Variants in LRRC4C observed in about 807,000 individuals in gnomAD.
LRRC4C encodes the protein leucine rich repeat containing 4C.
A neutral mutation model predicts 33.6 loss-of-function variants in LRRC4C; 5 were observed. The ratio of observed to expected loss-of-function variants is 0.15; its 90% CI spans 0.08 to 0.31. The LOEUF (loss-of-function observed/expected upper bound fraction) is 0.31. LRRC4C is among the 10% of genes least tolerant of loss of function. The pLI, the probability that LRRC4C is intolerant of heterozygous loss-of-function variation, is 1.00. For missense variants in LRRC4C, 560 were observed against 796.7 expected (o/e 0.70, Z 3.58); for synonymous variants, 329 against 302.0 (o/e 1.09, Z -0.93).
intron 5 of LRRC4C, among the ~76,000 whole-genome samples, chr11:40,217,846 T>C (rs1166374558): frequency 1.3e-5 from 2 of 152,064 alleles, no homozygotes; most frequent in Non-Finnish European, 2.9e-5. Flanking sequence ...GAAAAGTAAA[T>C]TGAAAAATGG....
chr11:41,455,595 C>A (rs1262807876), intron 1 of LRRC4C, among the ~76,000 whole-genome samples: 5 of 152,046 alleles, frequency 3.3e-5, no homozygotes, highest in African/African-American at 9.7e-5. Flanking sequence ...AAGAATAGAC[C>A]AGTTCTGCTT....
At chr11:41,164,168 C>T (rs1267890075) in intron 1 of LRRC4C, among the ~76,000 whole-genome samples, 9 of 146,040 alleles carry the variant, frequency 6.2e-5, no homozygotes, top group African/African-American at 2.0e-4. Flanking sequence ...TTATTACATA[C>T]TTCTTTTTCT....
chr11:40,424,742 C>T (rs1950650064), intron 3 of LRRC4C, among the ~76,000 whole-genome samples: 1 of 152,140 alleles, frequency 6.6e-6, no homozygotes, highest in African/African-American at 2.4e-5. Context: ...GGTTTGAATG[C>T]ATTAAAAATT....
intron 2 of LRRC4C, among the ~76,000 whole-genome samples, chr11:40,802,096 T>C (rs900351737): frequency 6.6e-6 from 1 of 152,222 alleles, no homozygotes; most frequent in Non-Finnish European, 1.5e-5. Context: ...AGCTTGCATC[T>C]TCTTCTGTCC....
intron 3 of LRRC4C, among the ~76,000 whole-genome samples, chr11:40,500,105 T>C (rs1954670496): frequency 6.6e-6 from 1 of 151,906 alleles, no homozygotes; most frequent in African/African-American, 2.4e-5. Context: ...CAGTTATGGA[T>C]TCTGGAATCA....
intron 5 of LRRC4C, among the ~76,000 whole-genome samples, chr11:40,166,312 G>A (rs1173797572): frequency 1.3e-5 from 2 of 152,088 alleles, no homozygotes; most frequent in African/African-American, 4.8e-5. Flanking sequence ...ACAAAAATAC[G>A]AATGAATTTC....
intron 4 of LRRC4C, among the ~76,000 whole-genome samples, chr11:40,301,827 A>C (rs1183384961): frequency 1.3e-5 from 2 of 152,200 alleles, no homozygotes; most frequent in Non-Finnish European, 2.9e-5. Flanking sequence ...AACAATTTGC[A>C]TTTTTAAATG....
intron 3 of LRRC4C, among the ~76,000 whole-genome samples, chr11:40,638,738 G>T (rs1305075315): frequency 3.3e-5 from 5 of 149,376 alleles, no homozygotes; most frequent in Non-Finnish European, 3.0e-5. Flanking sequence ...TCCATAGAAG[G>T]TCCATAATGA....
At chr11:40,726,776 GA>G (rs1564981428) in intron 2 of LRRC4C, among the ~76,000 whole-genome samples, 2 of 151,852 alleles carry the variant, frequency 1.3e-5, no homozygotes, top group African/African-American at 4.8e-5. Context: ...ACAAGAGAAA[GA>G]AATAAAAGTC....
intron 6 of LRRC4C, among the ~76,000 whole-genome samples, chr11:40,117,456 TATAAC>T (rs1034600091): frequency 6.6e-6 from 1 of 152,230 alleles, no homozygotes; most frequent in African/African-American, 2.4e-5. Context: ...AAAAAATAGT[TATAAC>T]AGGACTATTA....
chr11:40,734,851 A>G (rs1452227747), intron 2 of LRRC4C, among the ~76,000 whole-genome samples: 11 of 152,206 alleles, frequency 7.2e-5, no homozygotes, highest in Non-Finnish European at 1.5e-5. Flanking sequence ...TGTGTCTGTG[A>G]GGGTGTTTCC....
chr11:40,261,859 C>T (rs867701216), intron 4 of LRRC4C, among the ~76,000 whole-genome samples: 15 of 152,174 alleles, frequency 9.9e-5, no homozygotes, highest in Middle Eastern at 3.4e-3. Flanking sequence ...AAGACTTAAA[C>T]GTAAAACCAT....
At chr11:40,991,084 A>AG (rs1452259952) in intron 1 of LRRC4C, among the ~76,000 whole-genome samples, 1 of 151,602 alleles carries the variant, frequency 6.6e-6, no homozygotes, top group Non-Finnish European at 1.5e-5. Flanking sequence ...TATTACAAAA[A>AG]AAAAAAAAAG....
intron 2 of LRRC4C, among the ~76,000 whole-genome samples, chr11:40,727,755 G>T (rs1947354793): frequency 1.3e-5 from 2 of 152,062 alleles, no homozygotes; most frequent in African/African-American, 4.8e-5. Flanking sequence ...CATGTCAAAA[G>T]AAGACATACA....
chr11:41,042,044 G>A (rs1179351818), intron 1 of LRRC4C, among the ~76,000 whole-genome samples: 1 of 152,168 alleles, frequency 6.6e-6, no homozygotes, highest in Admixed American at 6.6e-5. Context: ...AAGAAAAGAT[G>A]CAGAAAGAGC....
chr11:41,123,265 T>C (rs1942548465), intron 1 of LRRC4C, among the ~76,000 whole-genome samples: 1 of 40,728 alleles, frequency 2.5e-5, no homozygotes, highest in South Asian at 1.0e-3. Context: ...TGTTTTGTTT[T>C]TTTTTTTTTT....
intron 1 of LRRC4C, among the ~76,000 whole-genome samples, chr11:41,232,075 G>T (rs956955008): frequency 2.6e-5 from 4 of 151,668 alleles, no homozygotes; most frequent in African/African-American, 9.7e-5. Context: ...TCAAGCTATT[G>T]CCTCTCCCTG....
intron 1 of LRRC4C, among the ~76,000 whole-genome samples, chr11:41,425,327 G>C (rs1403747849): frequency 6.6e-5 from 10 of 151,994 alleles, no homozygotes; most frequent in Non-Finnish European, 1.3e-4. Flanking sequence ...CAAATTGGTC[G>C]GTTTCCCAGT....
chr11:41,209,809 G>A (rs753545901), intron 1 of LRRC4C, among the ~76,000 whole-genome samples: 21 of 152,130 alleles, frequency 1.4e-4, no homozygotes, highest in East Asian at 1.2e-3. Flanking sequence ...ACTGAATTGC[G>A]TCCTCCCAGA....
Sources: gnomAD v4.1 joint callset for allele counts (sites outside exome capture counted in the v4.1 genomes callset) on GRCh38, gnomAD v4.1.1 for gene constraint, MANE v1.5 for transcripts, NCBI Gene and HGNC (gene_info 2026-07-23, HGNC 2026-07-21) for gene names.